MTM1: variants seen among roughly 807,000 people sequenced by gnomAD.
MTM1 encodes the protein myotubularin 1, also known as myotubularin.
In MTM1, 9 loss-of-function variants were observed where a neutral mutation model predicts 52.1. The ratio of observed to expected loss-of-function variants is 0.17; its 90% CI spans 0.10 to 0.30. The LOEUF is 0.30. Among genes scored for constraint, MTM1 ranks in the 10% least tolerant of loss-of-function variants. The pLI, the probability that MTM1 is intolerant of heterozygous loss-of-function variation, is 1.00. For synonymous variants in MTM1, 136 were observed against 163.8 expected, an observed-to-expected ratio of 0.83 and a Z score of 1.29; for missense variants, 277 against 470.7, an observed-to-expected ratio of 0.59 and a Z score of 3.81.
At chrX:150,580,927 A>G (rs915854812) in intron 1 of MTM1, among the ~76,000 whole-genome samples, 8 of 111,888 alleles carry the variant, frequency 7.2e-5, no homozygotes, top group Non-Finnish European at 1.5e-4. Flanking sequence ...AACATTCTCA[A>G]CAATCAAAAG....
chrX:150,634,007 C>A (rs1557413645), intron 6 of MTM1, among the ~76,000 whole-genome samples: 1 of 112,518 alleles, frequency 8.9e-6, no homozygotes, highest in African/African-American at 3.2e-5. Flanking sequence ...TGCACTCCAG[C>A]GTGGGCGATA....
intron 2 of MTM1, among the ~76,000 whole-genome samples, chrX:150,595,570 A>G (rs2038961512): frequency 8.9e-6 from 1 of 112,718 alleles, no homozygotes; most frequent in African/African-American, 3.2e-5. Context: ...GTGATTTTGG[A>G]CAACAAATAG....
chrX:150,601,095 G>A (rs1235533581), intron 4 of MTM1, among the ~76,000 whole-genome samples: 1 of 111,988 alleles, frequency 8.9e-6, no homozygotes, highest in Non-Finnish European at 1.9e-5. Context: ...GAATGAACAT[G>A]TATTACTTTT....
At chrX:150,636,775 C>T (rs781820069) in intron 6 of MTM1, among the ~76,000 whole-genome samples, 3 of 112,094 alleles carry the variant, frequency 2.7e-5, no homozygotes, top group Non-Finnish European at 3.8e-5. Context: ...TGAATGTTTA[C>T]CTGTGCCAAG....
intron 6 of MTM1, among the ~76,000 whole-genome samples, chrX:150,621,509 C>A (rs906034899): frequency 2.7e-5 from 3 of 109,558 alleles, no homozygotes; most frequent in Non-Finnish European, 3.8e-5. Context: ...TCCTCTACCC[C>A]CCAAAAAACA....
chrX:150,581,838 G>A (rs1400342323), intron 1 of MTM1, among the ~76,000 whole-genome samples: 2 of 111,615 alleles, frequency 1.8e-5, no homozygotes, highest in African/African-American at 6.5e-5. Flanking sequence ...GTCATATGAT[G>A]ATAGTAATAC....
chrX:150,577,813 A>T (rs1443069863), intron 1 of MTM1, among the ~76,000 whole-genome samples: 1 of 112,330 alleles, frequency 8.9e-6, no homozygotes, highest in Non-Finnish European at 1.9e-5. Context: ...TTATGGTTTG[A>T]GTTTTTGTGT....
intron 6 of MTM1, among the ~76,000 whole-genome samples, chrX:150,622,632 C>A: frequency 8.9e-6 from 1 of 111,781 alleles, no homozygotes; most frequent in Non-Finnish European, 1.9e-5. Flanking sequence ...GAAGAAGAGA[C>A]CACATCTAAC....
intron 11 of MTM1, among the ~76,000 whole-genome samples, chrX:150,658,643 C>T (rs1186505748): frequency 9.0e-6 from 1 of 110,673 alleles, no homozygotes; most frequent in Non-Finnish European, 1.9e-5. Context: ...ATCAAAAGAA[C>T]ATACTAAAAT....
intron 3 of MTM1, among the ~76,000 whole-genome samples, chrX:150,597,562 A>G (rs181875685): frequency 8.9e-6 from 1 of 112,205 alleles, no homozygotes; most frequent in African/African-American, 3.2e-5. Context: ...AGCTTTATTA[A>G]GTATTTTTTA....
chrX:150,650,845 C>T, intron 10 of MTM1, among the ~76,000 whole-genome samples: 1 of 112,051 alleles, frequency 8.9e-6, no homozygotes, highest in Non-Finnish European at 1.9e-5. Context: ...AACAGCCTAA[C>T]CTGACAGCCA....
chrX:150,658,825 A>C (rs192027920), intron 11 of MTM1, among the ~76,000 whole-genome samples: 1 of 111,825 alleles, frequency 8.9e-6, no homozygotes, highest in Non-Finnish European at 1.9e-5. Flanking sequence ...AGTAGAAAGA[A>C]TCATTGTGTT....
chrX:150,642,086 GT>G (rs34828694), intron 8 of MTM1, among the ~76,000 whole-genome samples: 29,040 of 106,865 alleles, frequency 0.27, 3,087 homozygotes, highest in South Asian at 0.48. Flanking sequence ...GTACCTTGGG[GT>G]TTTTTTTTTC....
At chrX:150,607,428 CCTTA>C (rs1313201952) in intron 4 of MTM1, among the ~76,000 whole-genome samples, 1 of 112,126 alleles carries the variant, frequency 8.9e-6, no homozygotes, top group Non-Finnish European at 1.9e-5. Context: ...ACTATTGACT[CCTTA>C]CTTCTTGTGG....
intron 10 of MTM1, among the ~76,000 whole-genome samples, chrX:150,656,131 T>C (rs1557414406): frequency 9.0e-6 from 1 of 111,456 alleles, no homozygotes; most frequent in African/African-American, 3.3e-5. Flanking sequence ...CAGTGATTTT[T>C]TTTTTAATCT....
intron 9 of MTM1, among the ~76,000 whole-genome samples, chrX:150,648,878 G>A (rs1475487642): frequency 8.9e-6 from 1 of 112,610 alleles, no homozygotes; most frequent in African/African-American, 3.2e-5. Flanking sequence ...GAAAAAGTTC[G>A]AGCTTTGAAG....
At chrX:150,580,511 C>T (rs1455768229) in intron 1 of MTM1, among the ~76,000 whole-genome samples, 2 of 110,250 alleles carry the variant, frequency 1.8e-5, no homozygotes, top group Non-Finnish European at 3.8e-5. Flanking sequence ...GGTTCTTCTT[C>T]ATCTTGCCTT....
rs782177008 is a variant in MTM1, at chrX:150,607,078, C to T, written c.232-7511C>T. Among the ~76,000 whole-genome samples the T allele has an allele frequency of 7.5e-5, 8 of 106,838 alleles. No individual in the cohort carries two copies. In the South Asian group the frequency reaches 3.4e-3, roughly 46 times the overall value. 92.8% of individuals were successfully genotyped at this position (106,838 alleles called of 115,157 possible). ...ACCGCAACCTCCACCTCTTGGGTTCCTTGGGTTCAAGAGATTCTCCCGCCT... is the reference window on the plus strand; with the variant it reads ...ACCGCAACCTCCACCTCTTGGGTTCTTTGGGTTCAAGAGATTCTCCCGCCT... On this transcript the variant is annotated intron_variant, in intron 4 of 14. Coordinates refer to ENST00000370396, the MANE Select transcript of MTM1 (RefSeq NM_000252.3).
At chrX:150,638,568 T>C (rs2039791944) in intron 6 of MTM1, among the ~76,000 whole-genome samples, 1 of 112,028 alleles carries the variant, frequency 8.9e-6, no homozygotes, top group South Asian at 3.7e-4. Flanking sequence ...CAATAATTCC[T>C]GAATTTTATT....
Sources: gnomAD v4.1 joint callset for allele counts (sites outside exome capture counted in the v4.1 genomes callset) on GRCh38, gnomAD v4.1.1 for gene constraint, MANE v1.5 for transcripts, NCBI Gene and HGNC (gene_info 2026-07-23, HGNC 2026-07-21) for gene names.